The following USP39 variants were observed in gnomAD, a reference collection of about 807,000 sequenced individuals.
USP39 encodes the protein ubiquitin carboxyl-terminal hydrolase 39.
Under a neutral mutation model 66.4 loss-of-function variants are expected in USP39, and 38 were observed. That is an observed-to-expected ratio of 0.57 (90% CI 0.44 to 0.75). USP39 has a LOEUF of 0.75. Ranked by LOEUF, USP39 falls within the 30% of genes least tolerant of loss-of-function variation. The pLI is 0.00. For synonymous variants in USP39, 303 were observed against 274.6 expected, an observed-to-expected ratio of 1.10 and a Z score of -1.02; for missense variants, 608 against 714.4, an observed-to-expected ratio of 0.85 and a Z score of 1.70.
intron 1 of USP39, among the ~76,000 whole-genome samples, chr2:85,618,766 TTTTTC>T (rs1228499978): frequency 5.3e-5 from 8 of 151,970 alleles, no homozygotes; most frequent in African/African-American, 7.2e-5. Context: ...TTAGTGGGCT[TTTTTC>T]TTTTCTTTTT....
chr2:85,603,779 G>A (rs1241318219), intron 1 of USP39, among the ~76,000 whole-genome samples: 1 of 151,994 alleles, frequency 6.6e-6, no homozygotes, highest in Non-Finnish European at 1.5e-5. Flanking sequence ...ATTTTTAGTA[G>A]AGACGGGGTT....
chr2:85,645,235 G>T, intron 11 of USP39, 152 bp downstream of exon 11: 1 of 1,037,184 alleles, frequency 9.6e-7, no homozygotes, highest in Non-Finnish European at 1.4e-6. Context: ...GTTTAAGGCA[G>T]TGGTTCTCAA....
At chr2:85,612,956 C>T (rs1235728628), upstream of USP39, among the ~76,000 whole-genome samples, 2 of 127,848 alleles carry the variant, frequency 1.6e-5, no homozygotes, top group Admixed American at 7.3e-5. Flanking sequence ...CCACCGTGCC[C>T]GGCCCCTTTT....
chr2:85,632,479 G>T (rs10191899), intron 6 of USP39, among the ~76,000 whole-genome samples: 11,359 of 137,706 alleles, frequency 0.082, 912 homozygotes, highest in East Asian at 0.31. Flanking sequence ...ACAGAGTCTT[G>T]CTCTGTTGCC....
intron 10 of USP39, 103 bp downstream of exon 10, chr2:85,641,221 C>T: frequency 1.4e-6 from 2 of 1,436,186 alleles, no homozygotes; most frequent in Non-Finnish European, 1.9e-6. Flanking sequence ...TTGGGGATTA[C>T]AAGGAACAGA....
At chr2:85,609,641 G>A (rs1673375323), upstream of USP39, 2 of 1,596,818 alleles carry the variant, frequency 1.3e-6, no homozygotes, top group Non-Finnish European at 1.7e-6. Flanking sequence ...TGAAGGCCCT[G>A]TCCATAGAGA....
chr2:85,626,216 G>A (rs753195753), intron 5 of USP39, among the ~76,000 whole-genome samples: 4 of 151,764 alleles, frequency 2.6e-5, no homozygotes, highest in African/African-American at 4.8e-5. Context: ...AAAATTAGCC[G>A]GGCTTGGTGG....
At position 85,616,223 on chromosome 2, in the gene USP39, C is replaced by A; in HGVS notation, c.28C>A (p.Arg10Ser). 1.4e-6 allele frequency: 2 copies of A among 1,471,898 alleles called. No homozygotes were observed. Among genetic ancestry groups the A allele is most frequent in the East Asian group, 2.5e-5 (1 of 39,478 alleles). The allele number at this position is 1,471,898 out of a possible 1,614,324, so 91.2% of individuals were successfully genotyped here. The change falls in exon 1 of 13, where the codon CGC becomes AGC. Residue 10 changes from arginine (R) to serine (S), a missense_variant. Transcript: ENST00000323701. Reference protein sequence around the residue: MSGRSKRESRGSTRGKRESE... With the variant: MSGRSKRESSGSTRGKRESE... ...GTCCGGCCGGTCTAAGCGGGAGTCT[C>A]GCGGTTCCACTCGCGGGAAGCGAGA... is the stretch of plus-strand genomic sequence containing the variant.
At chr2:85,621,649 A>C in intron 3 of USP39, 70 bp downstream of exon 3, 1 of 1,203,374 alleles carries the variant, frequency 8.3e-7, no homozygotes, top group Non-Finnish European at 1.2e-6. Flanking sequence ...TAAAGAAAGT[A>C]AGCTGTTCTC....
chr2:85,628,747 C>T (rs1675076134), intron 5 of USP39, among the ~76,000 whole-genome samples: 1 of 152,126 alleles, frequency 6.6e-6, no homozygotes, highest in African/African-American at 2.4e-5. Context: ...TGTCCATCCT[C>T]TTGTTTTGAG....
chr2:85,634,420 A>G (rs1317382643), intron 6 of USP39, among the ~76,000 whole-genome samples: 3 of 152,104 alleles, frequency 2.0e-5, no homozygotes, highest in African/African-American at 4.8e-5. Context: ...CAAAAAATGT[A>G]AAAGTTAGCC....
At chr2:85,640,379 C>T (rs1676134622) in intron 9 of USP39, among the ~76,000 whole-genome samples, 1 of 151,712 alleles carries the variant, frequency 6.6e-6, no homozygotes, top group South Asian at 2.1e-4. Flanking sequence ...ACCTCCACCT[C>T]CCGGGTTCAA....
chr2:85,622,952 C>G (rs1674574122), intron 3 of USP39, among the ~76,000 whole-genome samples: 1 of 152,156 alleles, frequency 6.6e-6, no homozygotes, highest in Non-Finnish European at 1.5e-5. Flanking sequence ...TGTAAAACAA[C>G]CAGTGAGTTC....
Position 85,648,861 on chromosome 2 carries a change from AGAACACAGAAGCTGTAGCT to A in USP39, c.*62_*80del. On this transcript the variant is annotated 3_prime_UTR_variant, in exon 13 of 13. Coordinates refer to ENST00000323701, the MANE Select transcript of USP39 (RefSeq NM_006590.4). ...GGGCTGTGGCTGATGATGGTAAATAAGAACACAGAAGCTGTAGCTGAACACAGGCTGGCTGGTGGGCTTC... is the reference window on the plus strand; with the variant it reads ...GGGCTGTGGCTGATGATGGTAAATAAGAACACAGGCTGGCTGGTGGGCTTC... 6.3e-7 allele frequency: 1 copy of A among 1,596,338 alleles called. No individual in the cohort carries two copies. Among genetic ancestry groups the A allele is most frequent in the Admixed American group, 1.7e-5 (1 of 59,034 alleles).
intron 10 of USP39, among the ~76,000 whole-genome samples, chr2:85,642,925 G>T (rs546325645): frequency 6.6e-6 from 1 of 152,014 alleles, no homozygotes; most frequent in Non-Finnish European, 1.5e-5. Flanking sequence ...TGTTGCTGTG[G>T]TTGGGAGATG....
chr2:85,623,562 A>G (rs1674621722), intron 3 of USP39, 84 bp from the exon 4 acceptor site: 2 of 1,478,948 alleles, frequency 1.4e-6, no homozygotes, highest in Non-Finnish European at 1.8e-6. Context: ...ATGTTCCGGT[A>G]GAAAATAATG....
chr2:85,647,326 T>C (rs1187324245), intron 11 of USP39, among the ~76,000 whole-genome samples: 2 of 152,156 alleles, frequency 1.3e-5, no homozygotes, highest in African/African-American at 2.4e-5. Flanking sequence ...TCATCTTTAG[T>C]GTCCACTAAA....
chr2:85,641,081 G>T lies in USP39; in HGVS notation c.1390G>T (p.Val464Phe), dbSNP rs779781605. 3 of 1,613,324 alleles carry T rather than the reference G, an allele frequency of 1.9e-6. No individual in the cohort carries two copies. Among genetic ancestry groups the T allele is most frequent in the Non-Finnish European group, 2.5e-6 (3 of 1,179,794 alleles). Reference protein sequence around the residue: ...IKRFTKNNFFVEKNPTIVNFP... With the variant: ...IKRFTKNNFFFEKNPTIVNFP... ...GAGATTCACTAAGAACAACTTCTTT[G>T]TTGAGAAGAATCCAACTATTGTCAA... The change falls in exon 10 of 13, where the codon GTT (valine) becomes TTT (phenylalanine). Residue 464 changes from valine to phenylalanine, a missense_variant. Val to Phe is a conservative substitution (Grantham distance 50, BLOSUM62 -1). Around this residue, in one of 6 missense-constraint regions of USP39, gnomAD observed 164 missense variants for 250.3 expected, o/e 0.66. Coordinates refer to ENST00000323701, the MANE Select transcript of USP39 (RefSeq NM_006590.4).
At chr2:85,647,769 T>C (rs1022561607) in intron 11 of USP39, among the ~76,000 whole-genome samples, 161 bp from the exon 12 acceptor site, 1 of 152,140 alleles carries the variant, frequency 6.6e-6, no homozygotes, top group Non-Finnish European at 1.5e-5. Flanking sequence ...ATTAATTGAA[T>C]CATGGCCAGA....
Sources: allele counts gnomAD v4.1 joint callset (sites outside exome capture counted in the v4.1 genomes callset), GRCh38; gene constraint gnomAD v4.1.1; regional missense constraint gnomAD v4.1.1; transcripts MANE v1.5; gene names NCBI Gene and HGNC (gene_info 2026-07-23, HGNC 2026-07-21).